The following ZNF654 variants were observed in gnomAD, a reference collection of about 807,000 sequenced individuals.
The protein encoded by ZNF654 is melanoma-associated antigen.
ZNF654 carries 19 observed loss-of-function variants against 95.3 expected under a neutral mutation model. That is an observed-to-expected ratio of 0.20 (90% confidence interval 0.14 to 0.29). The LOEUF is 0.29. Ranked by LOEUF, ZNF654 falls within the 10% of genes least tolerant of loss-of-function variation. The pLI is 1.00. For missense variants in ZNF654, 1,046 were observed against 1,341.0 expected (o/e 0.78, Z 3.44); for synonymous variants, 413 against 457.9 (o/e 0.90, Z 1.25).
At chr3:88,112,489 TAGTAAC>T (rs1207116761) in intron 2 of ZNF654, among the ~76,000 whole-genome samples, 3 of 149,736 alleles carry the variant, frequency 2.0e-5, no homozygotes, top group African/African-American at 4.9e-5. Flanking sequence ...ATAAAGTATT[TAGTAAC>T]AGTATTTCCA....
intron 3 of ZNF654, among the ~76,000 whole-genome samples, chr3:88,122,990 A>C (rs1289451655): frequency 1.3e-5 from 2 of 150,952 alleles, no homozygotes; most frequent in African/African-American, 4.9e-5. Flanking sequence ...TGCCTGGGCG[A>C]CAGAGTGAGG....
At chr3:88,095,970 G>A (rs530198024) in intron 2 of ZNF654, 8 of 304,396 alleles carry the variant, frequency 2.6e-5, no homozygotes, top group Non-Finnish European at 3.7e-5. Flanking sequence ...TTTCTTTCCC[G>A]TGTTGCACTG....
intron 2 of ZNF654, among the ~76,000 whole-genome samples, chr3:88,092,162 A>G (rs919908369): frequency 3.3e-5 from 5 of 152,206 alleles, no homozygotes; most frequent in Non-Finnish European, 7.3e-5. Context: ...GGAAATAGCA[A>G]CATGTTGGTC....
Position 88,139,309 on chromosome 3 carries a change from G to T in ZNF654, c.1640G>T (p.Cys547Phe). 6.3e-7 allele frequency: 1 copy of T among 1,594,348 alleles called. No individual in the cohort carries two copies. Among genetic ancestry groups the T allele is most frequent in the Non-Finnish European group, 8.5e-7 (1 of 1,172,780 alleles). Reference protein sequence around the residue: ...KVDHNVPRHRCMLCNKEFLGG... With the variant: ...KVDHNVPRHRFMLCNKEFLGG... The stretch of plus-strand genomic sequence containing the variant: ...GATCACAATGTCCCAAGGCATCGTT[G>T]TATGTTATGTAACAAGGAATTTTTA... Residue 547 changes from cysteine (C) to phenylalanine (F), a missense_variant, in exon 8 of 9, where the codon TGT (cysteine) becomes TTT (phenylalanine). This residue lies in a region of ZNF654 where 100 missense variants were observed against 108.9 expected (regional missense o/e 0.92). Coordinates refer to ENST00000636215, the MANE Select transcript of ZNF654 (RefSeq NM_001350134.2).
chr3:88,133,427 T>C (rs759311136), intron 6 of ZNF654, among the ~76,000 whole-genome samples: 2 of 152,156 alleles, frequency 1.3e-5, no homozygotes, highest in African/African-American at 2.4e-5. Context: ...CGATAAAATA[T>C]AACAAGGAAG....
In ZNF654 at chr3:88,099,803, C is replaced by T. The variant is rs186726251; in HGVS notation, c.333-13312C>T. The stretch of plus-strand genomic sequence containing the variant: ...AAGCTGAAAATGGGTCCCTTCCTTA[C>T]ACCTTATACAAAAATTAATTCAAGA... On this transcript the variant is annotated intron_variant, in intron 2 of 8. Coordinates refer to ENST00000636215, the MANE Select transcript of ZNF654 (RefSeq NM_001350134.2). Among the ~76,000 whole-genome samples the T allele has an allele frequency of 3.2e-4, 49 of 152,286 alleles. 1 individual carries two copies. Among genetic ancestry groups the T allele is most frequent in the Admixed American group, 3.2e-3 (49 of 15,294 alleles).
chr3:88,132,106 A>T (rs920755563), intron 6 of ZNF654, among the ~76,000 whole-genome samples: 1 of 152,182 alleles, frequency 6.6e-6, no homozygotes, highest in Non-Finnish European at 1.5e-5. Context: ...TATGGAAATA[A>T]TACTGTGTTC....
chr3:88,086,781 TTTG>T (rs1007794144), intron 2 of ZNF654, among the ~76,000 whole-genome samples: 18 of 152,234 alleles, frequency 1.2e-4, no homozygotes, highest in Admixed American at 9.8e-4. Context: ...GTTTGTTTGT[TTTG>T]TTGTTTTGTT....
chr3:88,136,253 A>G (rs760358938), intron 7 of ZNF654, among the ~76,000 whole-genome samples: 12 of 152,184 alleles, frequency 7.9e-5, no homozygotes, highest in Non-Finnish European at 1.3e-4. Flanking sequence ...TATTATAGAA[A>G]GTTTACAGTG....
intron 8 of ZNF654, 176 bp downstream of exon 8, chr3:88,141,224 T>C: frequency 1.3e-6 from 1 of 753,428 alleles, no homozygotes. Context: ...GATACTAATA[T>C]TCCTGTTTTA....
intron 1 of ZNF654, among the ~76,000 whole-genome samples, chr3:88,064,419 A>C (rs762197830): frequency 6.6e-5 from 10 of 152,092 alleles, no homozygotes; most frequent in Non-Finnish European, 1.5e-4. Flanking sequence ...TTTGTGTCCA[A>C]ATGTTCAGTG....
chr3:88,092,420 A>G (rs929921273), intron 2 of ZNF654, among the ~76,000 whole-genome samples: 5 of 152,146 alleles, frequency 3.3e-5, no homozygotes, highest in Admixed American at 6.6e-5. Flanking sequence ...GAATTACAGA[A>G]TGCAATGAGA....
intron 6 of ZNF654, among the ~76,000 whole-genome samples, chr3:88,131,744 A>T (rs114497500): frequency 0.019 from 2,840 of 151,776 alleles, 95 homozygotes; most frequent in African/African-American, 0.065. Context: ...ATGATGGCCT[A>T]CCCTCTTATT....
Position 88,139,137 on chromosome 3 carries a change from G to A in ZNF654, c.1468G>A (p.Glu490Lys), listed in dbSNP as rs886290733. The A allele has an allele frequency of 5.4e-6, 7 of 1,304,144 alleles. No individual in the cohort carries two copies. The highest frequency in any genetic ancestry group is 6.8e-6 in the Non-Finnish European group (7 of 1,025,164). The allele number at this position is 1,304,144 out of a possible 1,614,324, so 80.8% of individuals were successfully genotyped here. The change falls in exon 8 of 9, where the codon GAG becomes AAG. Residue 490 changes from glutamate to lysine, a missense_variant. Glu to Lys is a moderately conservative substitution (Grantham distance 56). This residue lies in a region of ZNF654 where 100 missense variants were observed against 108.9 expected (regional missense o/e 0.92). Transcript: ENST00000636215. Reference protein sequence around the residue: ...ENNAGNLKRTEEQQGLDEGFD... With the variant: ...ENNAGNLKRTKEQQGLDEGFD... ...TAATGCAGGTAATCTAAAAAGGACG[G>A]AGGAACAGCAAGGTTTGGATGAAGG...
Position 88,068,211 on chromosome 3 carries a change from A to G in ZNF654, c.186+8706A>G, listed in dbSNP as rs145236147. 3.0e-3 allele frequency among the ~76,000 whole-genome samples: 452 copies of G among 151,988 alleles called. 5 individuals are homozygous for G. The highest frequency in any genetic ancestry group is 0.01 in the African/African-American group (428 of 41,442). Reference sequence around the variant, plus strand: ...TGACCATTAGTATGTACCTTTGTTCATCAGTGCTTATTTGTCTCGGTGAAG... The same window carrying G: ...TGACCATTAGTATGTACCTTTGTTCGTCAGTGCTTATTTGTCTCGGTGAAG... On this transcript the variant is annotated intron_variant, in intron 1 of 8. Transcript: ENST00000636215.
In ZNF654 at chr3:88,095,192, A is replaced by G. The variant is rs1215902907; in HGVS notation, c.332+8790A>G. On this transcript the variant is annotated intron_variant, in intron 2 of 8. Transcript: ENST00000636215. Reference sequence around the variant, plus strand: ...CTTGTTTTGTAGGGAATAATTTTCAATGAATTCACTTTTGTTTCCTTTTTT... The same window carrying G: ...CTTGTTTTGTAGGGAATAATTTTCAGTGAATTCACTTTTGTTTCCTTTTTT... 3.3e-5 allele frequency among the ~76,000 whole-genome samples: 5 copies of G among 152,262 alleles called. No homozygotes were observed. In the East Asian group the frequency reaches 9.7e-4, roughly 29 times the overall value.
At chr3:88,066,386 C>T (rs1023032511) in intron 1 of ZNF654, among the ~76,000 whole-genome samples, 13 of 152,054 alleles carry the variant, frequency 8.5e-5, no homozygotes, top group African/African-American at 3.1e-4. Flanking sequence ...CCAGCCTGGG[C>T]AACATGGTGA....
intron 2 of ZNF654, among the ~76,000 whole-genome samples, chr3:88,111,743 T>G (rs1380444073): frequency 6.6e-6 from 1 of 151,982 alleles, no homozygotes; most frequent in Non-Finnish European, 1.5e-5. Context: ...TATGTGTACA[T>G]TTTAAATTGT....
At chr3:88,106,749 A>G (rs567050328) in intron 2 of ZNF654, among the ~76,000 whole-genome samples, 7 of 152,132 alleles carry the variant, frequency 4.6e-5, no homozygotes, top group African/African-American at 1.2e-4. Flanking sequence ...ATGTTCCCCT[A>G]TTGCTTCTGA....
Sources: gnomAD v4.1 joint callset for allele counts (sites outside exome capture counted in the v4.1 genomes callset) on GRCh38, gnomAD v4.1.1 for gene constraint, gnomAD v4.1.1 regional missense constraint, MANE v1.5 for transcripts, NCBI Gene and HGNC (gene_info 2026-07-23, HGNC 2026-07-21) for gene names.